AZIN1: variants seen among roughly 807,000 people sequenced by gnomAD.
The protein encoded by AZIN1 is ornithine decarboxylase antizyme inhibitor.
Under a neutral mutation model 47.4 loss-of-function variants are expected in AZIN1, and 12 were observed. That is an observed-to-expected ratio of 0.25 (90% CI 0.16 to 0.41). The LOEUF is 0.41. AZIN1 is among the 10% of genes least tolerant of loss of function. The probability of loss-of-function intolerance (pLI) is 1.00; values close to 1 mark genes in which losing one functional copy is unlikely to be tolerated. For synonymous variants in AZIN1, 155 were observed against 176.3 expected, an observed-to-expected ratio of 0.88 and a Z score of 0.96; for missense variants, 410 against 532.4, an observed-to-expected ratio of 0.77 and a Z score of 2.26.
chr8:102,848,796 T>C (rs990682245), intron 2 of AZIN1, among the ~76,000 whole-genome samples: 1 of 152,156 alleles, frequency 6.6e-6, no homozygotes, highest in Non-Finnish European at 1.5e-5. Flanking sequence ...AAAAGAAAGG[T>C]TTATGTTGTG....
chr8:102,863,088 G>A (rs1813824659), intron 1 of AZIN1, among the ~76,000 whole-genome samples: 1 of 152,250 alleles, frequency 6.6e-6, no homozygotes, highest in Non-Finnish European at 1.5e-5. Context: ...CAGGAGCGCC[G>A]CAGGGGCGGA....
chr8:102,848,323 CAA>C (rs60663839), intron 2 of AZIN1, among the ~76,000 whole-genome samples: 13,884 of 91,372 alleles, frequency 0.15, 634 homozygotes, highest in Admixed American at 0.24. Flanking sequence ...ACTAAAAGGC[CAA>C]AAAAAAAAAA....
intron 4 of AZIN1, 79 bp from the exon 5 acceptor site, chr8:102,838,995 C>G: frequency 7.8e-7 from 1 of 1,280,832 alleles, no homozygotes; most frequent in Non-Finnish European, 1.1e-6. Context: ...TACTATTACC[C>G]CCACCCCTTT....
rs1811152979 is a variant in AZIN1 at position 102,826,991 on chromosome 8, A to G, written c.*1576T>C. ...GGCATTAATCAAATCAAAAAATATT[A>G]AGCACCTACTGGTTTAAGAGATTTA... On this transcript the variant is annotated 3_prime_UTR_variant, in exon 12 of 12. Coordinates refer to ENST00000337198, the MANE Select transcript of AZIN1 (RefSeq NM_148174.4). 1 of 152,636 alleles carries G rather than the reference A, an allele frequency of 6.6e-6. No homozygotes were observed. Among genetic ancestry groups the G allele is most frequent in the African/African-American group, 2.4e-5 (1 of 41,454 alleles). 9.5% of individuals were successfully genotyped at this position (152,636 alleles called of 1,614,324 possible). A position where few individuals can be genotyped will look rare whatever the true frequency, so the allele number is the denominator to read the frequency against.
At chr8:102,829,136 CATT>C (rs1220358571) in intron 11 of AZIN1, 133 bp downstream of exon 11, 11 of 742,744 alleles carry the variant, frequency 1.5e-5, no homozygotes, top group South Asian at 5.5e-5. Flanking sequence ...AAATTCCCAT[CATT>C]AAGTAACTAC....
intron 2 of AZIN1, among the ~76,000 whole-genome samples, chr8:102,857,617 T>C (rs1040326896): frequency 3.9e-5 from 6 of 152,146 alleles, no homozygotes; most frequent in South Asian, 4.1e-4. Context: ...TATATATATG[T>C]ATCTCTATCT....
Position 102,843,446 on chromosome 8 carries a change from A to G in AZIN1, c.102+105T>C, listed in dbSNP as rs1812352300. 1.5e-5 allele frequency: 14 copies of G among 953,158 alleles called. No individual in the cohort carries two copies. In the South Asian group the frequency reaches 2.2e-4, roughly 15 times the overall value. 59.0% of individuals were successfully genotyped at this position (953,158 alleles called of 1,614,324 possible). A position where few individuals can be genotyped will look rare whatever the true frequency, so the allele number is the denominator to read the frequency against. ...GGAAGGTCAAGTTAAATCAGATAGC[A>G]TATGAACCAAGTACTTCTGATCAGA... On this transcript the variant is annotated intron_variant, in intron 3 of 11. Coordinates refer to ENST00000337198, the MANE Select transcript of AZIN1 (RefSeq NM_148174.4).
At chr8:102,843,084 G>A (rs569270164) in intron 3 of AZIN1, among the ~76,000 whole-genome samples, 4 of 151,336 alleles carry the variant, frequency 2.6e-5, no homozygotes, top group South Asian at 2.1e-4. Context: ...GTGTGCGCCT[G>A]TAATTCTAGC....
At chr8:102,851,591 A>C (rs572961509) in intron 2 of AZIN1, among the ~76,000 whole-genome samples, 59 of 152,276 alleles carry the variant, frequency 3.9e-4, no homozygotes, top group African/African-American at 1.4e-3. Context: ...CTGTAATCCC[A>C]GCTACTTGGG....
chr8:102,861,433 A>G (rs2570944), intron 1 of AZIN1, among the ~76,000 whole-genome samples: 71,759 of 151,066 alleles, frequency 0.48, 17,174 homozygotes, highest in Admixed American at 0.52. Flanking sequence ...TCAGCATGTT[A>G]GCCAGGCTGG....
chr8:102,844,287 G>C lies in AZIN1; in HGVS notation c.-95-540C>G, dbSNP rs563588050. ...TTTGAGAGGCCCAGGCCGGTAGATT[G>C]CATGAGCCTAGGAGTTTGAGACCGG... On this transcript the variant is annotated intron_variant, in intron 2 of 11. Coordinates refer to ENST00000337198, the MANE Select transcript of AZIN1 (RefSeq NM_148174.4). 8.6e-5 allele frequency among the ~76,000 whole-genome samples: 13 copies of C among 151,978 alleles called. No individual in the cohort carries two copies. The South Asian group carries it at 2.5e-3, about 29-fold the overall frequency.
In AZIN1 at chr8:102,839,827, T is replaced by A. The variant is rs745397151; in HGVS notation, c.103-4A>T. The A allele has an allele frequency of 3.9e-6, 6 of 1,549,324 alleles. No homozygotes were observed. The highest frequency in any genetic ancestry group is 4.4e-6 in the Non-Finnish European group (5 of 1,147,752). Reference sequence around the variant, plus strand: ...CAAAAAATGCATTTTTCCCTGTCTATTATGGTTATAAAAAAAAAGACAAAT... The same window carrying A: ...CAAAAAATGCATTTTTCCCTGTCTAATATGGTTATAAAAAAAAAGACAAAT... On this transcript the variant is annotated splice_polypyrimidine_tract_variant and splice_region_variant and intron_variant, in intron 3 of 11. Transcript: ENST00000337198.
At chr8:102,856,093 G>GTTTTTTTTTTTT in intron 2 of AZIN1, 1 of 133,606 alleles carries the variant, frequency 7.5e-6, no homozygotes, top group Non-Finnish European at 1.6e-5. Context: ...AGTTTTTTTT[G>GTTTTTTTTTTTT]TTTTTTTTTT....
At chr8:102,829,231 A>G in intron 11 of AZIN1, 41 bp downstream of exon 11, 1 of 1,518,778 alleles carries the variant, frequency 6.6e-7, no homozygotes, top group Non-Finnish European at 9.0e-7. Flanking sequence ...CTAAAAGGAC[A>G]GTTCAAATAT....
At chr8:102,863,613 CCCGCCGCCCAGCCCCG>C (rs1270468513) in intron 1 of AZIN1, among the ~76,000 whole-genome samples, 178 bp downstream of exon 1, 2 of 134,990 alleles carry the variant, frequency 1.5e-5, no homozygotes, top group African/African-American at 5.5e-5. Flanking sequence ...TGAGGCGCGG[CCCGCCGCCCAGCCCCG>C]CCGCCGCCGC....
chr8:102,846,020 T>G (rs1812547529), intron 2 of AZIN1, among the ~76,000 whole-genome samples: 1 of 152,236 alleles, frequency 6.6e-6, no homozygotes, highest in Admixed American at 6.5e-5. Flanking sequence ...GACTTAATTG[T>G]ATCTCAGTTG....
At chr8:102,838,592 T>G in intron 5 of AZIN1, 152 bp downstream of exon 5, 1 of 566,338 alleles carries the variant, frequency 1.8e-6, no homozygotes, top group Non-Finnish European at 3.0e-6. Flanking sequence ...AATAAAATGT[T>G]ACTAGTGTTT....
At chr8:102,843,875 G>T in intron 2 of AZIN1, 128 bp from the exon 3 acceptor site, 2 of 646,506 alleles carry the variant, frequency 3.1e-6, no homozygotes, top group Non-Finnish European at 4.7e-6. Flanking sequence ...AGAAACATCA[G>T]ATTATTAATT....
At chr8:102,832,956 A>G in intron 9 of AZIN1, 100 bp downstream of exon 9, 3 of 1,120,276 alleles carry the variant, frequency 2.7e-6, no homozygotes, top group Non-Finnish European at 2.5e-6. Context: ...AAGATTTTTA[A>G]AAGCTGAAAA....
Sources: allele counts gnomAD v4.1 joint callset (sites outside exome capture counted in the v4.1 genomes callset), GRCh38; gene constraint gnomAD v4.1.1; transcripts MANE v1.5; gene names NCBI Gene and HGNC (gene_info 2026-07-23, HGNC 2026-07-21).